The following KICS2 variants were observed in gnomAD, a reference collection of about 807,000 sequenced individuals.
The protein encoded by KICS2 is KICSTOR subunit 2, also known as KICSTOR complex protein C12orf66.
Under a neutral mutation model 31.4 loss-of-function variants are expected in KICS2, and 13 were observed. That is an observed-to-expected ratio of 0.41 (90% CI 0.27 to 0.66). The LOEUF (loss-of-function observed/expected upper bound fraction) is 0.66. Ranked by LOEUF, KICS2 falls within the 30% of genes least tolerant of loss-of-function variation. The probability of loss-of-function intolerance (pLI) is 0.28; values close to 1 mark genes in which losing one functional copy is unlikely to be tolerated. For synonymous variants in KICS2, 209 were observed against 214.8 expected (o/e 0.97, Z 0.24); for missense variants, 455 against 545.4 (o/e 0.83, Z 1.65).
chr12:64,196,696 CT>C (rs1398057215), intron 2 of KICS2, among the ~76,000 whole-genome samples: 1 of 140,900 alleles, frequency 7.1e-6, no homozygotes, highest in African/African-American at 2.7e-5. Flanking sequence ...AAGTTGAAAA[CT>C]TTGAAAAAAA....
In KICS2 at chr12:64,193,668, T is replaced by G; in HGVS notation, c.*174A>C. The G allele has an allele frequency of 7.0e-7, 1 of 1,420,078 alleles. No homozygotes were observed. The highest frequency in any genetic ancestry group is 9.2e-7 in the Non-Finnish European group (1 of 1,092,470). 88.0% of individuals were successfully genotyped at this position (1,420,078 alleles called of 1,614,324 possible). On this transcript the variant is annotated 3_prime_UTR_variant, in exon 3 of 3. Transcript: ENST00000398055. ...ACTTCCTAGATTACTCTTTGGAAAC[T>G]TAATTCAATTGGCCTTAATTGCTTA...
At chr12:64,210,467 T>C (rs998615632) in intron 2 of KICS2, among the ~76,000 whole-genome samples, 2 of 152,128 alleles carry the variant, frequency 1.3e-5, no homozygotes, top group African/African-American at 4.8e-5. Context: ...TTAAAGATGA[T>C]AGGGCCTGGG....
chr12:64,188,246 T>C (rs1182214512), downstream of KICS2, among the ~76,000 whole-genome samples: 7 of 152,114 alleles, frequency 4.6e-5, no homozygotes, highest in Non-Finnish European at 8.8e-5. Flanking sequence ...AGGATGGGGC[T>C]GGGCACAGTG....
chr12:64,199,540 C>T (rs2037469859), intron 2 of KICS2, among the ~76,000 whole-genome samples: 1 of 134,610 alleles, frequency 7.4e-6, no homozygotes, highest in African/African-American at 2.8e-5. Flanking sequence ...TGAAAACTGG[C>T]ACAAGACAGG....
chr12:64,207,904 T>C (rs1211378172), intron 2 of KICS2, among the ~76,000 whole-genome samples: 1 of 152,044 alleles, frequency 6.6e-6, no homozygotes, highest in African/African-American at 2.4e-5. Context: ...AGCAGAGAGG[T>C]AGGAAATGGC....
chr12:64,219,110 A>G (rs2037655490), intron 1 of KICS2, among the ~76,000 whole-genome samples: 1 of 152,190 alleles, frequency 6.6e-6, no homozygotes, highest in African/African-American at 2.4e-5. Flanking sequence ...CAAGATTTCA[A>G]GTTCATCTCA....
intron 2 of KICS2, among the ~76,000 whole-genome samples, chr12:64,209,183 A>C (rs2037563701): frequency 6.6e-6 from 1 of 152,060 alleles, no homozygotes; most frequent in Admixed American, 6.5e-5. Flanking sequence ...AATTAAACTT[A>C]TATAATAATT....
intron 2 of KICS2, among the ~76,000 whole-genome samples, chr12:64,198,968 C>T (rs908344575): frequency 6.7e-6 from 1 of 148,748 alleles, no homozygotes; most frequent in African/African-American, 2.5e-5. Context: ...CGATAGTTTA[C>T]CAACCAAAAA....
downstream of KICS2, chr12:64,187,404 A>G (rs2037346617): frequency 1.9e-6 from 1 of 537,112 alleles, no homozygotes; most frequent in South Asian, 2.8e-5. Flanking sequence ...TCTAGTGGTG[A>G]TATTTTACAC....
downstream of KICS2, among the ~76,000 whole-genome samples, chr12:64,189,760 G>T (rs2037365390): frequency 6.6e-6 from 1 of 152,158 alleles, no homozygotes; most frequent in Non-Finnish European, 1.5e-5. Context: ...GGAGTAAGCA[G>T]TAGCAGTGGA....
At chr12:64,206,295 T>C (rs1353236165) in intron 2 of KICS2, among the ~76,000 whole-genome samples, 1 of 152,194 alleles carries the variant, frequency 6.6e-6, no homozygotes, top group Non-Finnish European at 1.5e-5. Flanking sequence ...CCACAGTGGT[T>C]TGCTGCACCC....
In KICS2 at chr12:64,193,667, CTT is replaced by C; in HGVS notation, c.*173_*174del. The C allele has an allele frequency of 7.1e-7, 1 of 1,416,256 alleles. No homozygotes were observed. The highest frequency in any genetic ancestry group is 9.2e-7 in the Non-Finnish European group (1 of 1,090,588). 87.7% of individuals were successfully genotyped at this position (1,416,256 alleles called of 1,614,324 possible). On this transcript the variant is annotated 3_prime_UTR_variant, in exon 3 of 3. Coordinates refer to ENST00000398055, the MANE Select transcript of KICS2 (RefSeq NM_152440.5). ...CACTTCCTAGATTACTCTTTGGAAA[CTT>C]AATTCAATTGGCCTTAATTGCTTAT... is the stretch of plus-strand genomic sequence containing the variant.
intron 2 of KICS2, among the ~76,000 whole-genome samples, chr12:64,198,937 A>T (rs1033726456): frequency 6.6e-5 from 10 of 151,230 alleles, no homozygotes; most frequent in African/African-American, 2.4e-4. Context: ...CAATAACAGG[A>T]GCTGAAATTG....
chr12:64,188,380 C>T (rs1321048147), downstream of KICS2, among the ~76,000 whole-genome samples: 1 of 151,984 alleles, frequency 6.6e-6, no homozygotes, highest in African/African-American at 2.4e-5. Flanking sequence ...AAAAATTAGC[C>T]GGGCATGGTG....
chr12:64,207,473 G>GT (rs1299608982), intron 2 of KICS2, among the ~76,000 whole-genome samples: 1 of 151,994 alleles, frequency 6.6e-6, no homozygotes, highest in Non-Finnish European at 1.5e-5. Flanking sequence ...CCTTTGTTTT[G>GT]TAACTTTGCA....
rs2037413276 is a variant in KICS2, at chr12:64,194,504, A to C, written c.676T>G (p.Trp226Gly). 1 of 1,614,030 alleles carries C rather than the reference A, an allele frequency of 6.2e-7. No homozygotes were observed. Residue 226 changes from tryptophan (W) to glycine (G), a missense_variant, in exon 3 of 3, where the codon TGG (tryptophan) becomes GGG (glycine). Physicochemically the swap from Trp to Gly is radical, Grantham distance 184. Transcript: ENST00000398055. The part of the protein sequence containing the change: ...LHSAHTKLQT[W>G]GQIFEKQRET... Reference sequence around the variant, plus strand: ...CGCTGTTTCTCAAAGATCTGGCCCCACGTCTGCAGTTTGGTGTGCGCACTG... The same window carrying C: ...CGCTGTTTCTCAAAGATCTGGCCCCCCGTCTGCAGTTTGGTGTGCGCACTG...
intron 2 of KICS2, among the ~76,000 whole-genome samples, chr12:64,211,926 T>A (rs577322244): frequency 3.4e-4 from 52 of 152,132 alleles, no homozygotes; most frequent in Non-Finnish European, 6.5e-4. Context: ...GTAAAAACTG[T>A]TTTTTTCATT....
At position 64,194,315 on chromosome 12, in the gene KICS2, A is replaced by G. The variant is rs751283285; in HGVS notation, c.865T>C (p.Leu289=). ...RQTTASEMKT[L]TAKANPDFFG... Reference sequence around the variant, plus strand: ...AAGTCTGGGTTAGCTTTTGCTGTCAACGTTTTCATTTCTGAAGCAGTCGTT... The same window carrying G: ...AAGTCTGGGTTAGCTTTTGCTGTCAGCGTTTTCATTTCTGAAGCAGTCGTT... The change falls in exon 3 of 3, where the codon TTG becomes CTG. Residue 289 remains leucine (L), a synonymous_variant. Transcript: ENST00000398055. 8 of 1,614,144 alleles carry G rather than the reference A, an allele frequency of 5.0e-6. No homozygotes were observed. The highest frequency in any genetic ancestry group is 3.4e-6 in the Non-Finnish European group (4 of 1,180,030).
intron 1 of KICS2, among the ~76,000 whole-genome samples, chr12:64,218,390 G>C (rs2037649513): frequency 6.6e-6 from 1 of 152,092 alleles, no homozygotes; most frequent in African/African-American, 2.4e-5. Flanking sequence ...ACCACTTTGA[G>C]CTTTAGCTGT....
Sources: gnomAD v4.1 joint callset for allele counts (sites outside exome capture counted in the v4.1 genomes callset) on GRCh38, gnomAD v4.1.1 for gene constraint, MANE v1.5 for transcripts, NCBI Gene and HGNC (gene_info 2026-07-23, HGNC 2026-07-21) for gene names.